NOTCH4: variants seen among roughly 807,000 people sequenced by gnomAD.
The protein encoded by NOTCH4 is notch receptor 4, also known as neurogenic locus notch homolog protein 4.
In NOTCH4, 138 loss-of-function variants were observed where a neutral mutation model predicts 189.0. The observed-to-expected ratio is 0.73, with a 90% CI of 0.64 to 0.84. The LOEUF is 0.84. Among genes scored for constraint, NOTCH4 ranks in the 40% least tolerant of loss-of-function variants. The probability of loss-of-function intolerance (pLI) is 0.00; values close to 1 mark genes in which losing one functional copy is unlikely to be tolerated. For synonymous variants in NOTCH4, 942 were observed against 1,032.8 expected, an observed-to-expected ratio of 0.91 and a Z score of 1.69; for missense variants, 2,286 against 2,605.4, an observed-to-expected ratio of 0.88 and a Z score of 2.67.
In NOTCH4 at chr6:32,201,405, C is replaced by T. The variant is rs2127466035; in HGVS notation, c.3851G>A (p.Cys1284Tyr). Reference sequence around the variant, plus strand: ...CTCTGGGTCCCCATCTTCAGGCCTGCAGTCACCTCCATCCCAGCCACACTC... The same window carrying T: ...CTCTGGGTCCCCATCTTCAGGCCTGTAGTCACCTCCATCCCAGCCACACTC... ...TAECGWDGGD[C>Y]RPEDGDPEWG... The change falls in exon 22 of 30, where the codon TGC becomes TAC. Residue 1284 changes from cysteine (C) to tyrosine (Y), a missense_variant. By Grantham distance (194) the Cys-to-Tyr change is radical (BLOSUM62 -2). Transcript: ENST00000375023. This position sits in a 1 kb window ranked among gnomAD's most constrained non-coding sequence, Gnocchi z 5.5. The T allele has an allele frequency of 6.4e-7, 1 of 1,568,856 alleles. No homozygotes were observed. The highest frequency in any genetic ancestry group is 8.6e-7 in the Non-Finnish European group (1 of 1,158,982).
intron 7 of NOTCH4, 109 bp downstream of exon 7, chr6:32,220,020 G>A: frequency 7.5e-7 from 1 of 1,342,104 alleles, no homozygotes; most frequent in Non-Finnish European, 1.0e-6. Flanking sequence ...GCAAATTCAA[G>A]GAAAAAGATG....
rs1242383402 is a variant in NOTCH4 at position 32,221,363 on chromosome 6, T to C, written c.452-38A>G. ...ACAGAGGGAGCCGTTTCTAGCATTGTACGAATTCTAGCCCATCTGAGGTTA... is the reference window on the plus strand; with the variant it reads ...ACAGAGGGAGCCGTTTCTAGCATTGCACGAATTCTAGCCCATCTGAGGTTA... On this transcript the variant is annotated intron_variant, in intron 3 of 29. Coordinates refer to ENST00000375023, the MANE Select transcript of NOTCH4 (RefSeq NM_004557.4). The surrounding 1 kb of genome is among the most constrained non-coding windows in gnomAD (Gnocchi z 4.3). 1 of 1,516,018 alleles carries C rather than the reference T, an allele frequency of 6.6e-7. No homozygotes were observed. 93.9% of individuals were successfully genotyped at this position (1,516,018 alleles called of 1,614,324 possible). A position where few individuals can be genotyped will look rare whatever the true frequency, so the allele number is the denominator to read the frequency against.
rs373941186 is a variant in NOTCH4, at chr6:32,212,518, C to T, written c.2636G>A (p.Cys879Tyr). 1 of 1,613,008 alleles carries T rather than the reference C, an allele frequency of 6.2e-7. No homozygotes were observed. Among genetic ancestry groups the T allele is most frequent in the Non-Finnish European group, 8.5e-7 (1 of 1,179,936 alleles). ...CTGGCAGGAGGACAGTGGAAGGTTG[C>T]AGAGAGGCCCGGTCCATCCCTGGAG... ...LCLQGWTGPLCNLPLSSCQKA... is the reference protein window; with the variant it reads ...LCLQGWTGPLYNLPLSSCQKA... The change falls in exon 17 of 30, where the codon TGC becomes TAC. Residue 879 changes from cysteine to tyrosine, a missense_variant. Physicochemically the swap from Cys to Tyr is radical, Grantham distance 194 (BLOSUM62 -2). Around this residue, in one of 2 missense-constraint regions of NOTCH4, gnomAD observed 1,903 missense variants for 2,261.9 expected, o/e 0.84. Transcript: ENST00000375023. The surrounding 1 kb of genome is among the most constrained non-coding windows in gnomAD (Gnocchi z 4.4).
intron 18 of NOTCH4, among the ~76,000 whole-genome samples, chr6:32,208,558 C>A (rs565459818): frequency 9.9e-5 from 15 of 152,242 alleles, no homozygotes; most frequent in African/African-American, 3.6e-4. Context: ...CATGGTGAAA[C>A]CCCATCTCTA....
At chr6:32,223,200 C>T (rs1252055763) in intron 1 of NOTCH4, 114 bp from the exon 2 acceptor site, 3 of 787,660 alleles carry the variant, frequency 3.8e-6, no homozygotes, top group East Asian at 2.5e-5. Flanking sequence ...TACTCTAAAC[C>T]ACCTCTTCTT....
At position 32,201,031 on chromosome 6, in the gene NOTCH4, C is replaced by G. The variant is rs897188914; in HGVS notation, c.4140-25G>C. 22 of 1,560,432 alleles carry G rather than the reference C, an allele frequency of 1.4e-5. No individual in the cohort carries two copies. Among genetic ancestry groups the G allele is most frequent in the Non-Finnish European group, 1.8e-5 (21 of 1,154,258 alleles). On this transcript the variant is annotated intron_variant, in intron 22 of 29. Transcript: ENST00000375023. This position sits in a 1 kb window ranked among gnomAD's most constrained non-coding sequence, Gnocchi z 5.5. ...CCTGTAGAGGAGGCACCTCAGAGAC[C>G]TCTGTATTGGTCCCTGGCTCCCTTT...
rs776072162 is a variant in NOTCH4 at position 32,213,250 on chromosome 6, G to C, written c.2323C>G (p.Pro775Ala). Residue 775 changes from proline to alanine, a missense_variant and splice_region_variant, in exon 15 of 30, where the codon CCG (proline) becomes GCG (alanine). Around this residue, in one of 2 missense-constraint regions of NOTCH4, gnomAD observed 1,903 missense variants for 2,261.9 expected, o/e 0.84. Transcript: ENST00000375023. ...ACACAGGTACCCCCATTGAAGCACGGGGCTGGAGAGAGGAGGCTGTGAGGG... is the reference window on the plus strand; with the variant it reads ...ACACAGGTACCCCCATTGAAGCACGCGGCTGGAGAGAGGAGGCTGTGAGGG... ...QTSTDYCVSA[P>A]CFNGGTCVNR... The C allele has an allele frequency of 1.5e-5, 24 of 1,610,792 alleles. No homozygotes were observed. Among genetic ancestry groups the C allele is most frequent in the Non-Finnish European group, 2.0e-5 (24 of 1,177,352 alleles).
At position 32,195,301 on chromosome 6, in the gene NOTCH4, G is replaced by A. The variant is rs1052459697; in HGVS notation, c.*136C>T. 18 of 780,022 alleles carry A rather than the reference G, an allele frequency of 2.3e-5. 1 individual carries two copies. In the South Asian group the frequency reaches 3.3e-4, roughly 14 times the overall value. 48.3% of individuals were successfully genotyped at this position (780,022 alleles called of 1,614,324 possible). On this transcript the variant is annotated 3_prime_UTR_variant, in exon 30 of 30. Coordinates refer to ENST00000375023, the MANE Select transcript of NOTCH4 (RefSeq NM_004557.4). This position sits in a 1 kb window ranked among gnomAD's most constrained non-coding sequence, Gnocchi z 5.4. ...ACGTGGAAGATGTCTGCTCTGGTGGGCATACATTCATTTTAGGAGAGAAAC... is the reference window on the plus strand; with the variant it reads ...ACGTGGAAGATGTCTGCTCTGGTGGACATACATTCATTTTAGGAGAGAAAC...
chr6:32,220,940 G>C, intron 4 of NOTCH4, 38 bp downstream of exon 4: 1 of 1,595,448 alleles, frequency 6.3e-7, no homozygotes, highest in Non-Finnish European at 8.6e-7. Flanking sequence ...GCCCTGCCCA[G>C]AGAGAGGGGC....
rs991748322 is a variant in NOTCH4, at chr6:32,199,288, T to C, written c.4316-143A>G. The stretch of plus-strand genomic sequence containing the variant: ...TGGGGATGATAATATAGATTGAGGT[T>C]GGGCACAGTGGCTCATGCCTGTAAT... On this transcript the variant is annotated intron_variant, in intron 23 of 29. Transcript: ENST00000375023. The surrounding 1 kb of genome is among the most constrained non-coding windows in gnomAD (Gnocchi z 4.9). The C allele has an allele frequency of 1.6e-6, 1 of 617,484 alleles. No homozygotes were observed. Among genetic ancestry groups the C allele is most frequent in the Non-Finnish European group, 2.7e-6 (1 of 364,106 alleles). The allele number at this position is 617,484 out of a possible 1,614,324, so 38.3% of individuals were successfully genotyped here.
intron 8 of NOTCH4, 85 bp downstream of exon 8, chr6:32,219,507 C>G: frequency 7.2e-6 from 9 of 1,257,796 alleles, no homozygotes; most frequent in Non-Finnish European, 9.9e-6. Flanking sequence ...TGGCCTGAAG[C>G]TGTCCTTACT....
chr6:32,197,107 C>A (rs1156407506), intron 27 of NOTCH4, 35 bp from the exon 28 acceptor site: 1 of 1,606,196 alleles, frequency 6.2e-7, no homozygotes, highest in East Asian at 2.2e-5. Flanking sequence ...CCCTGGGGTA[C>A]CTTGGACTGC....
At position 32,197,598 on chromosome 6, in the gene NOTCH4, T is replaced by C; in HGVS notation, c.4757-4A>G. Reference sequence around the variant, plus strand: ...GACATCAGGGGTGTCACCCCATCTGTTGGTAAGACAGAGTAATGGGTCAAT... The same window carrying C: ...GACATCAGGGGTGTCACCCCATCTGCTGGTAAGACAGAGTAATGGGTCAAT... On this transcript the variant is annotated splice_region_variant and splice_polypyrimidine_tract_variant and intron_variant, in intron 26 of 29. Transcript: ENST00000375023. 6.2e-7 allele frequency: 1 copy of C among 1,606,196 alleles called. No homozygotes were observed. The highest frequency in any genetic ancestry group is 1.1e-5 in the South Asian group (1 of 90,062).
At position 32,206,032 on chromosome 6, in the gene NOTCH4, G is replaced by T. The variant is rs188343998; in HGVS notation, c.2866-1643C>A. Among the ~76,000 whole-genome samples the T allele has an allele frequency of 1.5e-3, 225 of 149,110 alleles. 6 individuals are homozygous for T. The highest frequency in any genetic ancestry group is 0.011 in the Admixed American group (163 of 15,038). ...AGCCTGAGTGACAGAGCAAGACTCT[G>T]TCTCAAAAAAAAAAAGCTGTGGTTC... On this transcript the variant is annotated intron_variant, in intron 18 of 29. Coordinates refer to ENST00000375023, the MANE Select transcript of NOTCH4 (RefSeq NM_004557.4).
Position 32,194,934 on chromosome 6 carries a change from T to A in NOTCH4, c.*503A>T, listed in dbSNP as rs1016171165. 6 of 235,406 alleles carry A rather than the reference T, an allele frequency of 2.5e-5. No individual in the cohort carries two copies. Among genetic ancestry groups the A allele is most frequent in the Non-Finnish European group, 4.2e-5 (5 of 119,668 alleles). 14.6% of individuals were successfully genotyped at this position (235,406 alleles called of 1,614,324 possible). ...TAGAAGAAGCGCTTCATCCCCACAG[T>A]GGAGTTCTTTGTTGTGAGGGGAGGG... On this transcript the variant is annotated 3_prime_UTR_variant, in exon 30 of 30. Transcript: ENST00000375023. This position sits in a 1 kb window ranked among gnomAD's most constrained non-coding sequence, Gnocchi z 4.5.
chr6:32,197,299 C>T lies in NOTCH4; in HGVS notation c.5052G>A (p.Gln1684=). The change falls in exon 27 of 30, where the codon CAG becomes CAA. Residue 1684 remains glutamine (Q), a splice_region_variant and synonymous_variant. Coordinates refer to ENST00000375023, the MANE Select transcript of NOTCH4 (RefSeq NM_004557.4). ...AVAADAREVC[Q]LLLRSRQTAV... is the part of the protein sequence containing the mutation. ...TGTAGGGACCTCAGTGTGTGCTAAC[C>T]TGGCAGACCTCCCGAGCATCAGCAG... 1 of 1,523,662 alleles carries T rather than the reference C, an allele frequency of 6.6e-7. No individual in the cohort carries two copies. The highest frequency in any genetic ancestry group is 8.8e-7 in the Non-Finnish European group (1 of 1,140,170). The allele number at this position is 1,523,662 out of a possible 1,614,324, so 94.4% of individuals were successfully genotyped here.
intron 11 of NOTCH4, chr6:32,216,101 A>G (rs1272306860): frequency 2.7e-5 from 4 of 149,900 alleles, no homozygotes; most frequent in Admixed American, 1.3e-4. Context: ...ATCTCAGCTC[A>G]CTGCAAGCTC....
Position 32,202,098 on chromosome 6 carries a change from A to G in NOTCH4, c.3733T>C (p.Cys1245Arg). The change falls in exon 21 of 30, where the codon TGT becomes CGT. Residue 1245 changes from cysteine (C) to arginine (R), a missense_variant. This residue lies in a region of NOTCH4 where 1,903 missense variants were observed against 2,261.9 expected (regional missense o/e 0.84). Coordinates refer to ENST00000375023, the MANE Select transcript of NOTCH4 (RefSeq NM_004557.4). This position sits in a 1 kb window ranked among gnomAD's most constrained non-coding sequence, Gnocchi z 5.7. ...CACGTGCAGGCTGGAGGGGTCTCACAGTCGTAGCCATCAAACAGACACTCT... is the reference window on the plus strand; with the variant it reads ...CACGTGCAGGCTGGAGGGGTCTCACGGTCGTAGCCATCAAACAGACACTCT... The part of the protein sequence containing the change: ...SEECLFDGYD[C>R]ETPPACTPAY... 6.8e-7 allele frequency: 1 copy of G among 1,478,918 alleles called. No homozygotes were observed. The highest frequency in any genetic ancestry group is 9.0e-7 in the Non-Finnish European group (1 of 1,109,566). 91.6% of individuals were successfully genotyped at this position (1,478,918 alleles called of 1,614,324 possible). A position where few individuals can be genotyped will look rare whatever the true frequency, so the allele number is the denominator to read the frequency against.
rs1292660311 is a variant in NOTCH4 at position 32,221,861 on chromosome 6, A to G, written c.452-536T>C. Reference sequence around the variant, plus strand: ...CCCCTTCTGTCCTCTCAGCAACCTTATGAAGTGTGACCATTACTCTCCCTG... The same window carrying G: ...CCCCTTCTGTCCTCTCAGCAACCTTGTGAAGTGTGACCATTACTCTCCCTG... On this transcript the variant is annotated intron_variant, in intron 3 of 29. Transcript: ENST00000375023. The surrounding 1 kb of genome is among the most constrained non-coding windows in gnomAD (Gnocchi z 4.3). 1.3e-5 allele frequency among the ~76,000 whole-genome samples: 2 copies of G among 152,126 alleles called. No individual in the cohort carries two copies. The highest frequency in any genetic ancestry group is 4.8e-5 in the African/African-American group (2 of 41,398).
Sources: allele counts gnomAD v4.1 joint callset (sites outside exome capture counted in the v4.1 genomes callset), GRCh38; gene constraint gnomAD v4.1.1; regional missense constraint gnomAD v4.1.1; non-coding constraint Gnocchi (gnomAD v3.1); transcripts MANE v1.5; gene names NCBI Gene and HGNC (gene_info 2026-07-23, HGNC 2026-07-21).